CDC73: variants seen among roughly 807,000 people sequenced by gnomAD.
CDC73 encodes the protein parafibromin.
In CDC73, 21 loss-of-function variants were observed where a neutral mutation model predicts 83.7. The observed-to-expected ratio is 0.25, with a 90% confidence interval of 0.18 to 0.36. The LOEUF (loss-of-function observed/expected upper bound fraction) is 0.36, where lower values mean the gene tolerates loss of function less well. Among genes scored for constraint, CDC73 ranks in the 10% least tolerant of loss-of-function variants. The probability of loss-of-function intolerance (pLI) is 1.00; values close to 1 mark genes in which losing one functional copy is unlikely to be tolerated. For synonymous variants in CDC73, 224 were observed against 212.9 expected (o/e 1.05, Z -0.45); for missense variants, 342 against 653.3 (o/e 0.52, Z 5.19).
At chr1:193,161,097 A>G (rs897432439) in intron 10 of CDC73, 7 of 172,958 alleles carry the variant, frequency 4.0e-5, no homozygotes, top group African/African-American at 1.7e-4. Context: ...TTGATCTTTA[A>G]TTCTAAGTTT....
At chr1:193,150,418 G>GGGAA in intron 9 of CDC73, 36 bp downstream of exon 9, 1 of 1,438,300 alleles carries the variant, frequency 7.0e-7, no homozygotes, top group Non-Finnish European at 9.8e-7. Flanking sequence ...CCTTAGTGTG[G>GGGAA]TTGTGTTGAA....
intron 10 of CDC73, chr1:193,181,651 A>G (rs1676719082): frequency 8.2e-7 from 1 of 1,225,984 alleles, no homozygotes; most frequent in Admixed American, 2.5e-5. Flanking sequence ...ATCATTTTCT[A>G]ATTCAGTCAC....
intron 10 of CDC73, 40 bp downstream of exon 10, chr1:193,152,484 A>T: frequency 7.7e-7 from 1 of 1,298,470 alleles, no homozygotes; most frequent in Non-Finnish European, 1.1e-6. Flanking sequence ...TGTTCCAGGG[A>T]TTTTATGTGA....
intron 14 of CDC73, among the ~76,000 whole-genome samples, chr1:193,235,394 C>A (rs1677739620): frequency 6.6e-6 from 1 of 152,074 alleles, no homozygotes; most frequent in Non-Finnish European, 1.5e-5. Context: ...GTGTTAACAT[C>A]ATAAGTAACG....
chr1:193,153,366 C>T (rs1676154531), intron 10 of CDC73, among the ~76,000 whole-genome samples: 3 of 152,048 alleles, frequency 2.0e-5, no homozygotes, highest in African/African-American at 7.2e-5. Flanking sequence ...ACCTTTTATA[C>T]TTTTATTTAT....
chr1:193,244,102 A>ATGT (rs1677910929), intron 15 of CDC73, among the ~76,000 whole-genome samples: 5 of 152,248 alleles, frequency 3.3e-5, no homozygotes, highest in Non-Finnish European at 7.3e-5. Context: ...GCACATGCAA[A>ATGT]ACAAAAGCTC....
At chr1:193,143,349 G>A (rs1404283812) in intron 7 of CDC73, among the ~76,000 whole-genome samples, 1 of 152,006 alleles carries the variant, frequency 6.6e-6, no homozygotes, top group East Asian at 1.9e-4. Flanking sequence ...TGTGACTTAC[G>A]TTGATCCACC....
chr1:193,135,443 A>G lies in CDC73; in HGVS notation c.360A>G (p.Arg120=). ...CTCCCTTAGAAATAGGTCTTCAGCG[A>G]TCTACTCAAGGTATGTCTTGTTGCA... ...RSAPLEIGLQ[R]STQVKRAADE... Residue 120 remains arginine, a synonymous_variant, in exon 4 of 17, where the codon CGA becomes CGG. Coordinates refer to ENST00000367435, the MANE Select transcript of CDC73 (RefSeq NM_024529.5). 6.2e-7 allele frequency: 1 copy of G among 1,613,558 alleles called. No homozygotes were observed. Among genetic ancestry groups the G allele is most frequent in the Non-Finnish European group, 8.5e-7 (1 of 1,179,536 alleles).
At chr1:193,217,186 G>A (rs185675446) in intron 13 of CDC73, among the ~76,000 whole-genome samples, 1 of 152,234 alleles carries the variant, frequency 6.6e-6, no homozygotes, top group Admixed American at 6.5e-5. Context: ...CGACGGGCAG[G>A]CTGTGGAGCT....
intron 10 of CDC73, among the ~76,000 whole-genome samples, chr1:193,197,584 A>T (rs571659567): frequency 2.6e-5 from 4 of 152,182 alleles, no homozygotes; most frequent in African/African-American, 9.6e-5. Context: ...TCTTGTTTAT[A>T]TTTCTGCATT....
intron 8 of CDC73, among the ~76,000 whole-genome samples, 194 bp from the exon 9 acceptor site, chr1:193,150,108 TAA>T (rs998851470): frequency 7.0e-6 from 1 of 143,446 alleles, no homozygotes. Flanking sequence ...TTTGTCTTTA[TAA>T]AAAAAAAAAA....
chr1:193,205,703 G>A (rs1204520820), intron 11 of CDC73, among the ~76,000 whole-genome samples: 3 of 152,056 alleles, frequency 2.0e-5, no homozygotes, highest in East Asian at 1.9e-4. Flanking sequence ...CATCGTGAGA[G>A]CATAAGAAGA....
chr1:193,180,850 A>G, intron 10 of CDC73: 1 of 1,613,946 alleles, frequency 6.2e-7, no homozygotes, highest in South Asian at 1.1e-5. Flanking sequence ...GTATGTTGCA[A>G]CCCAGTTCAT....
chr1:193,204,295 T>TTC (rs1677148904), intron 11 of CDC73, among the ~76,000 whole-genome samples: 5 of 145,616 alleles, frequency 3.4e-5, no homozygotes, highest in Admixed American at 2.0e-4. Flanking sequence ...ATATTTTTTT[T>TTC]TTTTCTTTTT....
intron 13 of CDC73, among the ~76,000 whole-genome samples, chr1:193,216,117 T>C (rs539824961): frequency 1.3e-5 from 2 of 152,236 alleles, no homozygotes; most frequent in African/African-American, 4.8e-5. Flanking sequence ...CTGAACTAAA[T>C]TGATATGTGA....
rs188100357 is a variant in CDC73, at chr1:193,250,430, G to A, written c.1560-246G>A. 2.0e-5 allele frequency among the ~76,000 whole-genome samples: 3 copies of A among 151,794 alleles called. No individual in the cohort carries two copies. In the East Asian group the frequency reaches 5.8e-4, roughly 29 times the overall value. ...CTCCTTAAAATCTGTAACATTTTTG[G>A]TGCAAGTCTCTCATATCTGTGAAAC... On this transcript the variant is annotated intron_variant, in intron 16 of 16. Coordinates refer to ENST00000367435, the MANE Select transcript of CDC73 (RefSeq NM_024529.5).
At chr1:193,154,871 T>C (rs1169665610) in intron 10 of CDC73, among the ~76,000 whole-genome samples, 1 of 152,218 alleles carries the variant, frequency 6.6e-6, no homozygotes, top group Non-Finnish European at 1.5e-5. Context: ...GTCAAGAAAG[T>C]TTCTCCTTTA....
chr1:193,135,393 A>T lies in CDC73; in HGVS notation c.310A>T (p.Thr104Ser), dbSNP rs1675773683. The change falls in exon 4 of 17, where the codon ACA becomes TCA. Residue 104 changes from threonine to serine, a missense_variant and splice_region_variant. Physicochemically the swap from Thr to Ser is moderately conservative, Grantham distance 58. Around this residue, in one of 3 missense-constraint regions of CDC73, gnomAD observed 99 missense variants for 174.5 expected, o/e 0.57. Transcript: ENST00000367435. ...LLGYLNGEAS[T>S]SASIDRSAPL... The stretch of plus-strand genomic sequence containing the variant: ...CGTGAATCTTTTTATGTCTTCAGCA[A>T]CATCGGCAAGTATAGACAGAAGCGC... The T allele has an allele frequency of 6.2e-7, 1 of 1,612,432 alleles. No individual in the cohort carries two copies. The highest frequency in any genetic ancestry group is 8.5e-7 in the Non-Finnish European group (1 of 1,178,506).
intron 10 of CDC73, among the ~76,000 whole-genome samples, chr1:193,158,905 A>G (rs1320260834): frequency 1.3e-5 from 2 of 152,078 alleles, no homozygotes; most frequent in African/African-American, 4.8e-5. Context: ...ACATGAACAT[A>G]TTATGTGTTA....
Sources: gnomAD v4.1 joint callset for allele counts (sites outside exome capture counted in the v4.1 genomes callset) on GRCh38, gnomAD v4.1.1 for gene constraint, gnomAD v4.1.1 regional missense constraint, MANE v1.5 for transcripts, NCBI Gene and HGNC (gene_info 2026-07-23, HGNC 2026-07-21) for gene names.